Variants in TTC6 observed in about 807,000 individuals in gnomAD.
TTC6 encodes the protein tetratricopeptide repeat protein 6.
In TTC6, 172 loss-of-function variants were observed where a neutral mutation model predicts 210.4. The ratio of observed to expected loss-of-function variants is 0.82; its 90% CI spans 0.72 to 0.93. The LOEUF is 0.93. Ranked by LOEUF, TTC6 falls within the 40% of genes least tolerant of loss-of-function variation. TTC6 has a pLI of 0.00. For missense variants in TTC6, 2,414 were observed against 2,318.1 expected (o/e 1.04, Z -0.85); for synonymous variants, 804 against 819.6 (o/e 0.98, Z 0.32).
intron 29 of TTC6, 88 bp from the exon 32 acceptor site, chr14:37,841,357 C>G: frequency 8.7e-7 from 1 of 1,144,888 alleles, no homozygotes; most frequent in Admixed American, 2.8e-5. Flanking sequence ...TGCCACTGGC[C>G]TTAATTTAAA....
chr14:37,799,025 G>A (rs12434191), intron 20 of TTC6, among the ~76,000 whole-genome samples: 56,632 of 151,902 alleles, frequency 0.37, 11,276 homozygotes, highest in Non-Finnish European at 0.46. Context: ...AGTGAGATTG[G>A]TTTTGTGGGA....
intron 14 of TTC6, among the ~76,000 whole-genome samples, chr14:37,784,274 C>G (rs2139283432): frequency 6.6e-6 from 1 of 152,262 alleles, no homozygotes; most frequent in Middle Eastern, 3.4e-3. Context: ...TTGTAGGTCT[C>G]TAAGGACTTG....
At chr14:37,617,225 A>G (rs558064977), upstream of TTC6, among the ~76,000 whole-genome samples, 19 of 152,308 alleles carry the variant, frequency 1.2e-4, no homozygotes, top group South Asian at 3.7e-3. Context: ...GGAGTCCAAG[A>G]AGTGAAGATA....
intron 1 of TTC6, among the ~76,000 whole-genome samples, chr14:37,665,461 C>G (rs954117051): frequency 4.7e-5 from 7 of 150,120 alleles, no homozygotes; most frequent in African/African-American, 1.7e-4. Context: ...AACACATGGA[C>G]ACATTGAGGG....
At chr14:37,775,738 T>C (rs1278630538) in intron 14 of TTC6, among the ~76,000 whole-genome samples, 1 of 152,134 alleles carries the variant, frequency 6.6e-6, no homozygotes, top group East Asian at 1.9e-4. Flanking sequence ...CCCACTATTA[T>C]CTTGTGGTTA....
At chr14:37,806,394 A>T in exon 22 of TTC6, 3 of 1,535,628 alleles carry the variant, frequency 2.0e-6, no homozygotes, top group Non-Finnish European at 2.6e-6. Flanking sequence ...TGTGAAAGCA[A>T]ATCCAGATTT....
At chr14:37,812,427 A>G (rs1302936039) in exon 25 of TTC6, 1 of 1,602,046 alleles carries the variant, frequency 6.2e-7, no homozygotes, top group Non-Finnish European at 8.5e-7. Flanking sequence ...ATGGCTTTGC[A>G]CTAGAGGTAA....
chr14:37,666,978 A>T (rs1261664877), intron 1 of TTC6, among the ~76,000 whole-genome samples: 2 of 150,352 alleles, frequency 1.3e-5, no homozygotes, highest in African/African-American at 4.8e-5. Flanking sequence ...TATGTTCATT[A>T]TTACTATATC....
chr14:37,736,542 T>G (rs2138924429), intron 8 of TTC6, among the ~76,000 whole-genome samples: 1 of 152,308 alleles, frequency 6.6e-6, no homozygotes, highest in South Asian at 2.1e-4. Flanking sequence ...TCACTCATTC[T>G]TGTGTAGGTC....
chr14:37,715,007 G>A (rs915680407), intron 6 of TTC6, among the ~76,000 whole-genome samples: 4 of 152,146 alleles, frequency 2.6e-5, no homozygotes, highest in East Asian at 1.9e-4. Flanking sequence ...ACGAGACCTC[G>A]TATCTAAAAA....
chr14:37,705,036 T>C (rs977957668), intron 5 of TTC6, among the ~76,000 whole-genome samples: 3 of 152,154 alleles, frequency 2.0e-5, no homozygotes, highest in African/African-American at 7.2e-5. Flanking sequence ...TAAAACTGCT[T>C]GTGTATTTCC....
intron 5 of TTC6, among the ~76,000 whole-genome samples, chr14:37,704,235 TG>T (rs1279854759): frequency 6.6e-6 from 1 of 152,070 alleles, no homozygotes; most frequent in Non-Finnish European, 1.5e-5. Context: ...TATATTTTTT[TG>T]TAGACATAGA....
chr14:37,749,233 G>A (rs1158800210), exon 11 of TTC6: 2 of 1,529,986 alleles, frequency 1.3e-6, no homozygotes, highest in Non-Finnish European at 1.7e-6. Context: ...ATGATTATGT[G>A]GAGTCTGATC....
chr14:37,777,156 G>C (rs562595003), intron 14 of TTC6, among the ~76,000 whole-genome samples: 1 of 152,224 alleles, frequency 6.6e-6, no homozygotes, highest in East Asian at 1.9e-4. Flanking sequence ...TAGCAAAGTT[G>C]GGGAGATTTT....
At chr14:37,702,416 T>C (rs1459099625) in intron 5 of TTC6, among the ~76,000 whole-genome samples, 1 of 152,132 alleles carries the variant, frequency 6.6e-6, no homozygotes, top group Non-Finnish European at 1.5e-5. Context: ...TATGAATGTA[T>C]GTGCTTTATA....
chr14:37,671,172 G>GT (rs2095757438), intron 1 of TTC6, among the ~76,000 whole-genome samples: 1 of 152,160 alleles, frequency 6.6e-6, no homozygotes, highest in African/African-American at 2.4e-5. Flanking sequence ...GGATGCCTCA[G>GT]TCATAAGACT....
chr14:37,608,245 A>G (rs555806189), intron 2 of TTC6, among the ~76,000 whole-genome samples: 2 of 152,030 alleles, frequency 1.3e-5, no homozygotes, highest in African/African-American at 4.8e-5. Context: ...ATTTTTATTT[A>G]TAGTTTCTGC....
intron 3 of TTC6, among the ~76,000 whole-genome samples, chr14:37,686,161 T>A (rs2095793334): frequency 6.6e-6 from 1 of 152,084 alleles, no homozygotes; most frequent in Admixed American, 6.6e-5. Context: ...TTACTAGTAG[T>A]ATGACCTTAG....
chr14:37,716,525 A>G (rs918017985), intron 6 of TTC6, among the ~76,000 whole-genome samples: 1 of 152,122 alleles, frequency 6.6e-6, no homozygotes, highest in African/African-American at 2.4e-5. Context: ...AAAAGTGGGA[A>G]TGGCTATATT....
Sources: allele counts gnomAD v4.1 joint callset (sites outside exome capture counted in the v4.1 genomes callset), GRCh38; gene constraint gnomAD v4.1.1; transcripts MANE v1.5; gene names NCBI Gene and HGNC (gene_info 2026-07-23, HGNC 2026-07-21).